Variants in TTC39B observed in about 807,000 individuals in gnomAD.
TTC39B encodes tetratricopeptide repeat protein 39B.
A neutral mutation model predicts 96.6 loss-of-function variants in TTC39B; 92 were observed. The observed-to-expected ratio is 0.95, with a 90% CI of 0.80 to 1.13. TTC39B has a LOEUF of 1.13. TTC39B is among the 50% of genes most tolerant of loss of function. The pLI is 0.00. For missense variants in TTC39B, 955 were observed against 809.3 expected, an observed-to-expected ratio of 1.18 and a Z score of -2.18; for synonymous variants, 367 against 299.4, an observed-to-expected ratio of 1.23 and a Z score of -2.33.
intron 1 of TTC39B, 122 bp from the exon 2 acceptor site, chr9:15,268,070 G>A (rs1823204016): frequency 1.4e-6 from 1 of 734,414 alleles, no homozygotes; most frequent in Non-Finnish European, 2.2e-6. Flanking sequence ...GGTATAGCAG[G>A]CAGTAGAATC....
chr9:15,167,894 T>C (rs779359355), exon 20 of TTC39B: 1 of 152,184 alleles, frequency 6.6e-6, no homozygotes, highest in African/African-American at 2.4e-5. Flanking sequence ...AATTTCTTAA[T>C]CTAGTACATA....
chr9:15,205,564 G>C (rs1396360741), intron 6 of TTC39B, among the ~76,000 whole-genome samples: 2 of 152,228 alleles, frequency 1.3e-5, no homozygotes, highest in African/African-American at 4.8e-5. Context: ...TGAGGAGTTA[G>C]AGCCTGCACA....
intron 9 of TTC39B, 48 bp downstream of exon 9, chr9:15,192,541 CT>C (rs754105458): frequency 1.4e-6 from 2 of 1,467,032 alleles, no homozygotes; most frequent in Non-Finnish European, 1.9e-6. Flanking sequence ...CACAGAAAAC[CT>C]TAGGTTCTTC....
chr9:15,266,870 G>C (rs1823151803), intron 2 of TTC39B, among the ~76,000 whole-genome samples: 1 of 152,140 alleles, frequency 6.6e-6, no homozygotes, highest in East Asian at 1.9e-4. Context: ...ACGAGGTCAG[G>C]AGATGGAGAC....
exon 20 of TTC39B, chr9:15,171,210 A>G (rs991784955): frequency 6.6e-6 from 1 of 152,038 alleles, no homozygotes; most frequent in Non-Finnish European, 1.5e-5. Context: ...GATATTTTAC[A>G]TATCATTTAA....
chr9:15,263,153 CAT>C (rs1350060879), intron 2 of TTC39B, among the ~76,000 whole-genome samples: 13 of 152,186 alleles, frequency 8.5e-5, no homozygotes. Context: ...TCCATAATCA[CAT>C]GAGTCAATTC....
intron 4 of TTC39B, among the ~76,000 whole-genome samples, chr9:15,212,851 A>T (rs1820287302): frequency 6.6e-6 from 1 of 152,226 alleles, no homozygotes; most frequent in Non-Finnish European, 1.5e-5. Context: ...AAATCAAAGG[A>T]GATAATGGAT....
intron 2 of TTC39B, among the ~76,000 whole-genome samples, chr9:15,230,168 A>G (rs972327779): frequency 6.6e-6 from 1 of 152,216 alleles, no homozygotes; most frequent in African/African-American, 2.4e-5. Context: ...CTATTAGTAC[A>G]TTGGAATATA....
Position 15,193,079 on chromosome 9 carries a change from T to C in TTC39B, c.825-384A>G, listed in dbSNP as rs147481556. On this transcript the variant is annotated intron_variant, in intron 8 of 19. Transcript: ENST00000512701. ...CACACACTGCAGCAACCTGAGGAAATGAAATGCTACTGGCAAGAAGATCTG... is the reference window on the plus strand; with the variant it reads ...CACACACTGCAGCAACCTGAGGAAACGAAATGCTACTGGCAAGAAGATCTG... Among the ~76,000 whole-genome samples the C allele has an allele frequency of 9.5e-3, 1,440 of 152,280 alleles. 25 individuals carry two copies. The highest frequency in any genetic ancestry group is 0.032 in the African/African-American group (1,349 of 41,554).
chr9:15,211,397 C>A, exon 5 of TTC39B: 1 of 1,497,010 alleles, frequency 6.7e-7, no homozygotes, highest in Non-Finnish European at 8.9e-7. Flanking sequence ...TCTCCTTAGC[C>A]CTGGGAAGAA....
At chr9:15,263,571 T>C (rs1823018536) in intron 2 of TTC39B, among the ~76,000 whole-genome samples, 1 of 152,222 alleles carries the variant, frequency 6.6e-6, no homozygotes, top group African/African-American at 2.4e-5. Context: ...CCATTTTTTG[T>C]CATCACCAAC....
chr9:15,228,325 G>C (rs562683795), intron 2 of TTC39B, among the ~76,000 whole-genome samples: 1 of 152,178 alleles, frequency 6.6e-6, no homozygotes. Flanking sequence ...TTAGCCAGGC[G>C]TGGTGGTGGG....
chr9:15,281,055 C>G (rs1823743685), intron 1 of TTC39B, among the ~76,000 whole-genome samples: 1 of 151,858 alleles, frequency 6.6e-6, no homozygotes, highest in African/African-American at 2.4e-5. Flanking sequence ...TCATCAGTCC[C>G]TATTCTGGAA....
intron 2 of TTC39B, 96 bp downstream of exon 2, chr9:15,267,818 G>T: frequency 9.0e-7 from 1 of 1,111,774 alleles, no homozygotes; most frequent in African/African-American, 1.6e-5. Context: ...AGCCATTGCC[G>T]TACTCTCCAA....
Position 15,226,816 on chromosome 9 carries a change from G to A in TTC39B, c.276-804C>T, listed in dbSNP as rs548239133. Among the ~76,000 whole-genome samples, 11 of 152,158 alleles carry A rather than the reference G, an allele frequency of 7.2e-5. No individual in the cohort carries two copies. In the South Asian group the frequency reaches 1.2e-3, roughly 17 times the overall value. The stretch of plus-strand genomic sequence containing the variant: ...GTCCACTCAGAGAAGGAAATTTCCA[G>A]AAAGAGTTTAAGAGTAAGTCCTGCC... On this transcript the variant is annotated intron_variant, in intron 2 of 19. Transcript: ENST00000512701.
chr9:15,171,349 T>C (rs1458150211), exon 20 of TTC39B: 3 of 152,148 alleles, frequency 2.0e-5, no homozygotes, highest in African/African-American at 7.2e-5. Flanking sequence ...GGGTTTTGAA[T>C]TTTGTTATTA....
At chr9:15,295,132 A>ACT (rs1824327368) in intron 1 of TTC39B, among the ~76,000 whole-genome samples, 1 of 152,192 alleles carries the variant, frequency 6.6e-6, no homozygotes, top group South Asian at 2.1e-4. Flanking sequence ...TTACAAACAA[A>ACT]CTTAAACACC....
At chr9:15,211,194 A>C in intron 5 of TTC39B, 72 bp downstream of exon 5, 1 of 1,391,922 alleles carries the variant, frequency 7.2e-7, no homozygotes, top group Non-Finnish European at 9.4e-7. Context: ...TGGTCAGGCA[A>C]ATGACATTAT....
chr9:15,178,362 C>T lies in TTC39B; in HGVS notation c.1724-548G>A, dbSNP rs575024924. ...CCAAGGTGGGAAGCTCACTTGAGCC[C>T]AGGAGTTCAGGACCAGCCTGGGCAA... On this transcript the variant is annotated intron_variant, in intron 17 of 19. Transcript: ENST00000512701. 2.0e-5 allele frequency among the ~76,000 whole-genome samples: 3 copies of T among 152,186 alleles called. No homozygotes were observed. The South Asian group carries it at 6.2e-4, about 32-fold the overall frequency.
Sources: allele counts gnomAD v4.1 joint callset (sites outside exome capture counted in the v4.1 genomes callset), GRCh38; gene constraint gnomAD v4.1.1; transcripts MANE v1.5; gene names NCBI Gene and HGNC (gene_info 2026-07-23, HGNC 2026-07-21).